SLX9: variants seen among roughly 807,000 people sequenced by gnomAD.
SLX9 encodes SLX9 ribosome biogenesis factor.
SLX9 carries 19 observed loss-of-function variants against 20.8 expected under a neutral mutation model. The observed-to-expected ratio is 0.91, with a 90% confidence interval of 0.64 to 1.34. The LOEUF (loss-of-function observed/expected upper bound fraction) is 1.34, where lower values mean the gene tolerates loss of function less well. SLX9 is among the 40% of genes most tolerant of loss of function. The pLI is 0.00. For missense variants in SLX9, 299 were observed against 322.2 expected (o/e 0.93, Z 0.55); for synonymous variants, 113 against 137.1 (o/e 0.82, Z 1.23).
chr21:44,976,342 C>T (rs183760691), intron 5 of SLX9, among the ~76,000 whole-genome samples: 100 of 152,318 alleles, frequency 6.6e-4, no homozygotes, highest in African/African-American at 2.3e-3. Flanking sequence ...TGGAGGGAGC[C>T]GTCTCTCATG....
intron 2 of SLX9, among the ~76,000 whole-genome samples, chr21:44,952,239 A>G (rs2084771887): frequency 6.6e-6 from 1 of 152,190 alleles, no homozygotes. Flanking sequence ...CGGCTTGCCG[A>G]GGTCCCTGGG....
chr21:44,959,323 CG>C, intron 2 of SLX9: 2 of 950,332 alleles, frequency 2.1e-6, no homozygotes, highest in Non-Finnish European at 2.5e-6. Flanking sequence ...TGAACCGTCT[CG>C]GGAAATCAGT....
intron 2 of SLX9, among the ~76,000 whole-genome samples, chr21:44,952,608 T>C (rs990698685): frequency 1.3e-5 from 2 of 152,188 alleles, no homozygotes; most frequent in African/African-American, 4.8e-5. Context: ...GTTGGGGTTA[T>C]GTGGCCCCAC....
intron 1 of SLX9, among the ~76,000 whole-genome samples, 157 bp from the exon 2 acceptor site, chr21:44,943,527 G>A (rs1423338189): frequency 6.6e-6 from 1 of 152,194 alleles, no homozygotes; most frequent in Non-Finnish European, 1.5e-5. Context: ...CTTCTGCTCT[G>A]GGAGGTGAGG....
chr21:44,960,247 A>G, intron 3 of SLX9, 79 bp downstream of exon 3: 1 of 1,358,000 alleles, frequency 7.4e-7, no homozygotes, highest in Non-Finnish European at 1.1e-6. Context: ...ACAGCCTCAC[A>G]TCTGGCCTTC....
At chr21:44,947,341 G>C (rs56213773) in intron 2 of SLX9, among the ~76,000 whole-genome samples, 22,088 of 152,200 alleles carry the variant, frequency 0.15, 1,724 homozygotes, top group Admixed American at 0.21. Context: ...GTGTCTCATC[G>C]TCCGTGCCCT....
At chr21:44,942,313 C>T (rs1260380994) in intron 1 of SLX9, among the ~76,000 whole-genome samples, 1 of 152,204 alleles carries the variant, frequency 6.6e-6, no homozygotes, top group Non-Finnish European at 1.5e-5. Context: ...TGAAGGCTGC[C>T]CTGGTCTCCA....
At chr21:44,949,495 C>G (rs2084713207) in intron 2 of SLX9, among the ~76,000 whole-genome samples, 1 of 152,140 alleles carries the variant, frequency 6.6e-6, no homozygotes, top group Admixed American at 6.5e-5. Flanking sequence ...CCAGCTCCGC[C>G]TACCCCCCAG....
intron 4 of SLX9, among the ~76,000 whole-genome samples, chr21:44,970,393 T>G (rs1266040665): frequency 1.3e-5 from 2 of 152,226 alleles, no homozygotes; most frequent in African/African-American, 2.4e-5. Flanking sequence ...TTGGCCCCAT[T>G]GACGTGGGGG....
At chr21:44,943,646 C>G in intron 1 of SLX9, 38 bp from the exon 2 acceptor site, 1 of 1,609,354 alleles carries the variant, frequency 6.2e-7, no homozygotes, top group Non-Finnish European at 8.5e-7. Flanking sequence ...GCAAGTCTCA[C>G]ACCTCTTCTT....
intron 2 of SLX9, among the ~76,000 whole-genome samples, chr21:44,949,299 T>C (rs571712066): frequency 1.3e-5 from 2 of 152,156 alleles, no homozygotes; most frequent in Admixed American, 1.3e-4. Context: ...AGGGAGTGGA[T>C]TGTGGGCCCT....
intron 2 of SLX9, among the ~76,000 whole-genome samples, chr21:44,947,625 TC>T (rs572850779): frequency 1.4e-3 from 213 of 152,214 alleles, no homozygotes; most frequent in African/African-American, 4.8e-3. Flanking sequence ...ATGTTTTTTT[TC>T]AAGCCCTTCG....
chr21:44,956,480 G>A (rs370892414), intron 2 of SLX9, among the ~76,000 whole-genome samples: 37 of 152,300 alleles, frequency 2.4e-4, no homozygotes, highest in African/African-American at 4.6e-4. Context: ...TCGGCACCAC[G>A]AGATGCTGCT....
At chr21:44,976,595 T>A in intron 5 of SLX9, 85 bp from the exon 6 acceptor site, 5 of 1,517,704 alleles carry the variant, frequency 3.3e-6, no homozygotes, top group Non-Finnish European at 4.4e-6. Context: ...CTGCCATTCA[T>A]TTCGGTGTCT....
chr21:44,960,886 A>G (rs564521175), intron 3 of SLX9, among the ~76,000 whole-genome samples: 28 of 152,186 alleles, frequency 1.8e-4, no homozygotes, highest in Non-Finnish European at 3.4e-4. Context: ...TTTTTCGGTT[A>G]TCTTTTTAGT....
chr21:44,960,117 G>GCCC lies in SLX9; in HGVS notation c.301_302insCCC (p.Val101delinsAlaLeu). On this transcript the variant is annotated protein_altering_variant, in exon 3 of 6. Coordinates refer to ENST00000291634, the MANE Select transcript of SLX9 (RefSeq NM_058190.4). ...TTCCTCAGGTGCAGAGGCCAAGACCGTTTTGCCCAAGAAGGAGAAAATGAA... is the reference window on the plus strand; with the variant it reads ...TTCCTCAGGTGCAGAGGCCAAGACCGCCCTTTTGCCCAAGAAGGAGAAAATGAA... 1 of 1,614,234 alleles carries GCCC rather than the reference G, an allele frequency of 6.2e-7. No individual in the cohort carries two copies. Among genetic ancestry groups the GCCC allele is most frequent in the Non-Finnish European group, 8.5e-7 (1 of 1,180,048 alleles).
chr21:44,946,373 C>G (rs1373679516), intron 2 of SLX9, among the ~76,000 whole-genome samples: 1 of 152,202 alleles, frequency 6.6e-6, no homozygotes, highest in Non-Finnish European at 1.5e-5. Context: ...GTGGCCCGTT[C>G]TGGCGCTTCC....
intron 2 of SLX9, among the ~76,000 whole-genome samples, chr21:44,945,092 A>C (rs1345624978): frequency 6.6e-6 from 1 of 152,230 alleles, no homozygotes; most frequent in African/African-American, 2.4e-5. Flanking sequence ...GGCACAAGTC[A>C]TGTGATCACG....
chr21:44,953,641 G>C (rs990709084), intron 2 of SLX9, among the ~76,000 whole-genome samples: 1 of 152,262 alleles, frequency 6.6e-6, no homozygotes, highest in African/African-American at 2.4e-5. Flanking sequence ...TTCCAGGTGG[G>C]ATGGGGTAGT....
Sources: allele counts gnomAD v4.1 joint callset (sites outside exome capture counted in the v4.1 genomes callset), GRCh38; gene constraint gnomAD v4.1.1; transcripts MANE v1.5; gene names NCBI Gene and HGNC (gene_info 2026-07-23, HGNC 2026-07-21).